Variants in IQANK1 observed in about 807,000 individuals in gnomAD.
IQANK1 encodes IQ motif and ankyrin repeat containing 1, also known as IQ motif and ankyrin repeat domain-containing protein 1.
A neutral mutation model predicts 22.6 loss-of-function variants in IQANK1; 30 were observed. The observed-to-expected ratio is 1.33, with a 90% CI of 0.99 to 1.80. The LOEUF is 1.80. Among genes scored for constraint, IQANK1 ranks in the 40% most tolerant of loss-of-function variants. The probability of loss-of-function intolerance (pLI) is 0.00; values close to 1 mark genes in which losing one functional copy is unlikely to be tolerated. For missense variants in IQANK1, 275 were observed against 235.2 expected, an observed-to-expected ratio of 1.17 and a Z score of -1.11; for synonymous variants, 122 against 99.6, an observed-to-expected ratio of 1.23 and a Z score of -1.34.
intron 3 of IQANK1, among the ~76,000 whole-genome samples, chr8:143,748,492 GAT>G (rs1303935438): frequency 4.9e-5 from 6 of 122,770 alleles, no homozygotes; most frequent in Non-Finnish European, 1.1e-4. Context: ...AAATATAGAT[GAT>G]ATATATGATA....
In IQANK1 at chr8:143,739,867, G is replaced by T. The variant is rs7831467; in HGVS notation, c.94G>T (p.Gly32Trp). 0.23 allele frequency: 157,600 copies of T among 692,366 alleles called. 20,376 individuals carry two copies. The highest frequency in any genetic ancestry group is 0.49 in the East Asian group (17,792 of 36,114). The allele number at this position is 692,366 out of a possible 1,614,324, so 42.9% of individuals were successfully genotyped here. A position where few individuals can be genotyped will look rare whatever the true frequency, so the allele number is the denominator to read the frequency against. ...CGGTCGTTTTCCCTTAGGGAAGCCC[G>T]GGGAGAACCGCCCGCCGCAGAGGAA... is the stretch of plus-strand genomic sequence containing the variant. Reference protein sequence around the residue: ...PKTRAAAGKPGENRPPQRKAG... With the variant: ...PKTRAAAGKPWENRPPQRKAG... The change falls in exon 3 of 14, where the codon GGG becomes TGG. Residue 32 changes from glycine to tryptophan, a missense_variant. Physicochemically the swap from Gly to Trp is radical, Grantham distance 184. Coordinates refer to ENST00000527139, the MANE Select transcript of IQANK1 (RefSeq NM_001381874.1).
rs1194682060 is a variant in IQANK1 at position 143,735,775 on chromosome 8, T to C, written c.-4-75T>C. 2.9e-6 allele frequency: 2 copies of C among 693,182 alleles called. No individual in the cohort carries two copies. Among genetic ancestry groups the C allele is most frequent in the Non-Finnish European group, 5.3e-6 (2 of 379,770 alleles). 42.9% of individuals were successfully genotyped at this position (693,182 alleles called of 1,614,324 possible). A position where few individuals can be genotyped will look rare whatever the true frequency, so the allele number is the denominator to read the frequency against. On this transcript the variant is annotated intron_variant, in intron 1 of 13. Transcript: ENST00000527139. The surrounding 1 kb of genome is among the most constrained non-coding windows in gnomAD (Gnocchi z 5.2). ...ACTCAGGCGCCCATGGTGTGCCCTG[T>C]TCCCCACTGCCACTGCCCCTGCCCT...
At position 143,789,480 on chromosome 8, in the gene IQANK1, C is replaced by T. The variant is rs115109304; in HGVS notation, c.1038C>T (p.His346=). The T allele has an allele frequency of 8.8e-4, 1,085 of 1,232,216 alleles. 14 individuals carry two copies. In the African/African-American group the frequency reaches 0.015, roughly 17 times the overall value. The allele number at this position is 1,232,216 out of a possible 1,614,324, so 76.3% of individuals were successfully genotyped here. ...AGCTTAGCCGGAGGATCTCAGAGCA[C>T]GACCAGTGTGAGTGGAGGTGCATGG... ...YCELSRRISE[H]DQCEWRCMDK... The change falls in exon 10 of 14, where the codon CAC becomes CAT. Residue 346 remains histidine (H), a synonymous_variant. Coordinates refer to ENST00000527139, the MANE Select transcript of IQANK1 (RefSeq NM_001381874.1).
chr8:143,749,195 T>C (rs1819127665), intron 3 of IQANK1, among the ~76,000 whole-genome samples: 1 of 123,150 alleles, frequency 8.1e-6, no homozygotes, highest in African/African-American at 3.4e-5. Context: ...ATATATATCA[T>C]ATATAAATAT....
intron 3 of IQANK1, among the ~76,000 whole-genome samples, chr8:143,749,304 A>C (rs1328543844): frequency 3.6e-4 from 40 of 111,524 alleles, no homozygotes; most frequent in Middle Eastern, 0.012. Context: ...TAATATATAA[A>C]AATATAAAAA....
chr8:143,786,942 A>G (rs1172130155), intron 7 of IQANK1, among the ~76,000 whole-genome samples: 1 of 152,180 alleles, frequency 6.6e-6, no homozygotes, highest in Non-Finnish European at 1.5e-5. Flanking sequence ...TTGGGGGCTG[A>G]TCGAGGAATA....
intron 7 of IQANK1, 35 bp from the exon 8 acceptor site, chr8:143,788,880 G>C (rs1486984672): frequency 2.5e-6 from 1 of 398,954 alleles, no homozygotes; most frequent in East Asian, 3.6e-5. Flanking sequence ...CTCGGAACAC[G>C]CACTGAGGGC....
chr8:143,783,950 A>G (rs1554631133), intron 7 of IQANK1, among the ~76,000 whole-genome samples: 1 of 152,162 alleles, frequency 6.6e-6, no homozygotes, highest in African/African-American at 2.4e-5. Context: ...ATCCTGTGTC[A>G]ATACCCATGT....
intron 12 of IQANK1, 23 bp downstream of exon 12, chr8:143,790,087 G>C: frequency 8.1e-7 from 1 of 1,232,120 alleles, no homozygotes; most frequent in Non-Finnish European, 1.0e-6. Context: ...GGCCAGACGT[G>C]GGCGATTTGG....
intron 3 of IQANK1, among the ~76,000 whole-genome samples, chr8:143,748,712 A>G (rs1819093553): frequency 8.9e-6 from 1 of 111,842 alleles, no homozygotes; most frequent in South Asian, 2.4e-4. Context: ...ATATATAAAT[A>G]TATATCATAT....
At chr8:143,742,983 C>T (rs1818954560) in intron 3 of IQANK1, 2 of 456,100 alleles carry the variant, frequency 4.4e-6, no homozygotes, top group African/African-American at 2.0e-5. Flanking sequence ...TCACCGGGTG[C>T]TTTATCCCCC....
At chr8:143,776,121 C>A (rs57931229) in intron 7 of IQANK1, among the ~76,000 whole-genome samples, 3,211 of 147,030 alleles carry the variant, frequency 0.022, 138 homozygotes, top group African/African-American at 0.078. Flanking sequence ...GGAGATCAAG[C>A]CCATCCTGGC....
intron 7 of IQANK1, among the ~76,000 whole-genome samples, chr8:143,788,101 A>G (rs1819928920): frequency 6.6e-6 from 1 of 151,982 alleles, no homozygotes; most frequent in Admixed American, 6.6e-5. Context: ...GCTGTCATCC[A>G]GCTATTAGGG....
chr8:143,757,098 G>C (rs1819307777), intron 3 of IQANK1, among the ~76,000 whole-genome samples: 1 of 152,162 alleles, frequency 6.6e-6, no homozygotes, highest in Non-Finnish European at 1.5e-5. Flanking sequence ...ATGTGCAACT[G>C]ACAGTCAGAG....
At chr8:143,776,824 C>T (rs1394491630) in intron 7 of IQANK1, among the ~76,000 whole-genome samples, 2 of 152,054 alleles carry the variant, frequency 1.3e-5, no homozygotes, top group Non-Finnish European at 2.9e-5. Flanking sequence ...GCTGGGGAAA[C>T]GGGCTTCTGA....
chr8:143,786,070 C>T (rs1389288006), intron 7 of IQANK1, among the ~76,000 whole-genome samples: 1 of 151,974 alleles, frequency 6.6e-6, no homozygotes, highest in Non-Finnish European at 1.5e-5. Context: ...GCCATGTTGC[C>T]CAGGCTGGTC....
At chr8:143,763,043 G>C (rs191186721) in intron 3 of IQANK1, among the ~76,000 whole-genome samples, 5 of 147,232 alleles carry the variant, frequency 3.4e-5, no homozygotes, top group African/African-American at 1.3e-4. Flanking sequence ...TTAAAACTGA[G>C]TCTTGCTCTG....
At chr8:143,763,726 G>T (rs1167038049) in intron 3 of IQANK1, among the ~76,000 whole-genome samples, 1 of 152,208 alleles carries the variant, frequency 6.6e-6, no homozygotes, top group African/African-American at 2.4e-5. Flanking sequence ...TGCCATGCTT[G>T]TGCAGCCTGC....
At chr8:143,736,638 ACT>A (rs1273419467) in intron 2 of IQANK1, among the ~76,000 whole-genome samples, 48 of 151,752 alleles carry the variant, frequency 3.2e-4, no homozygotes, top group Middle Eastern at 3.4e-3. Context: ...GTGTTCTCTG[ACT>A]CTCTGCTCCA....
Sources: allele counts gnomAD v4.1 joint callset (sites outside exome capture counted in the v4.1 genomes callset), GRCh38; gene constraint gnomAD v4.1.1; non-coding constraint Gnocchi (gnomAD v3.1); transcripts MANE v1.5; gene names NCBI Gene and HGNC (gene_info 2026-07-23, HGNC 2026-07-21).